The following CNTN1 variants were observed in gnomAD, a reference collection of about 807,000 sequenced individuals.
CNTN1 encodes the protein contactin-1.
Under a neutral mutation model 126.4 loss-of-function variants are expected in CNTN1, and 38 were observed. The ratio of observed to expected loss-of-function variants is 0.30; its 90% CI spans 0.23 to 0.39. The LOEUF (loss-of-function observed/expected upper bound fraction) is 0.39. CNTN1 is among the 10% of genes least tolerant of loss of function. The probability of loss-of-function intolerance (pLI) is 1.00; values close to 1 mark genes in which losing one functional copy is unlikely to be tolerated. For synonymous variants in CNTN1, 413 were observed against 422.6 expected, an observed-to-expected ratio of 0.98 and a Z score of 0.28; for missense variants, 1,009 against 1,248.4, an observed-to-expected ratio of 0.81 and a Z score of 2.89.
intron 1 of CNTN1, among the ~76,000 whole-genome samples, chr12:40,885,834 G>C (rs765289911): frequency 4.6e-5 from 7 of 151,930 alleles, no homozygotes; most frequent in Admixed American, 1.3e-4. Context: ...TTGTTATCAG[G>C]AGCTGGTATA....
Position 40,944,373 on chromosome 12 carries a change from G to A in CNTN1, c.1683+203G>A, listed in dbSNP as rs116811058. 2.5e-3 allele frequency among the ~76,000 whole-genome samples: 387 copies of A among 152,002 alleles called. 1 individual carries two copies. Among genetic ancestry groups the A allele is most frequent in the African/African-American group, 8.7e-3 (360 of 41,488 alleles). ...AAAATGGCTAGCCCTGAGGATTTTGGTATAAATATTAATCAATTAATATTA... is the reference window on the plus strand; with the variant it reads ...AAAATGGCTAGCCCTGAGGATTTTGATATAAATATTAATCAATTAATATTA... On this transcript the variant is annotated intron_variant, in intron 14 of 23. Transcript: ENST00000551295.
At chr12:40,857,088 G>T (rs1333283598) in intron 1 of CNTN1, among the ~76,000 whole-genome samples, 2 of 152,006 alleles carry the variant, frequency 1.3e-5, no homozygotes, top group African/African-American at 4.8e-5. Context: ...CTTTTTAAGG[G>T]GGTTTTGTAG....
chr12:40,760,835 G>A (rs867752028), intron 1 of CNTN1, among the ~76,000 whole-genome samples: 1 of 150,450 alleles, frequency 6.6e-6, no homozygotes, highest in African/African-American at 2.4e-5. Flanking sequence ...TCAAAATAAT[G>A]CACACACACA....
At chr12:40,933,034 T>A (rs1054893270) in intron 7 of CNTN1, among the ~76,000 whole-genome samples, 2 of 151,984 alleles carry the variant, frequency 1.3e-5, no homozygotes, top group Admixed American at 6.6e-5. Context: ...TTTGCCTTTA[T>A]CTCTGTGGGC....
intron 1 of CNTN1, among the ~76,000 whole-genome samples, chr12:40,848,751 A>G (rs1158675994): frequency 1.3e-5 from 2 of 151,372 alleles, no homozygotes; most frequent in Non-Finnish European, 2.9e-5. Flanking sequence ...TGTAAGTCCT[A>G]CTGAAGTTGT....
chr12:40,735,102 G>A (rs1402974432), intron 1 of CNTN1, among the ~76,000 whole-genome samples: 1 of 152,054 alleles, frequency 6.6e-6, no homozygotes, highest in Admixed American at 6.6e-5. Flanking sequence ...TGTTTCAAAG[G>A]ATATTTTGTT....
intron 1 of CNTN1, among the ~76,000 whole-genome samples, chr12:40,727,452 A>C (rs190842616): frequency 6.6e-6 from 1 of 152,192 alleles, no homozygotes; most frequent in Admixed American, 6.6e-5. Context: ...TTAAAAAAAA[A>C]AAGAATGGTC....
rs774049857 is a variant in CNTN1, at chr12:40,980,901, C to T, written c.1805-8C>T. On this transcript the variant is annotated splice_polypyrimidine_tract_variant and splice_region_variant and intron_variant, in intron 15 of 23. Coordinates refer to ENST00000551295, the MANE Select transcript of CNTN1 (RefSeq NM_001843.4). The stretch of plus-strand genomic sequence containing the variant: ...TTCACTGATTCATTACCCACATTTT[C>T]ATTTCAGGCCCTCCAGGCCCTCCAG... 6.2e-7 allele frequency: 1 copy of T among 1,613,702 alleles called. No individual in the cohort carries two copies. Among genetic ancestry groups the T allele is most frequent in the Non-Finnish European group, 8.5e-7 (1 of 1,179,680 alleles).
In CNTN1 at chr12:41,029,224, G is replaced by C; in HGVS notation, c.2980+5G>C. The C allele has an allele frequency of 1.2e-6, 2 of 1,613,976 alleles. No individual in the cohort carries two copies. Among genetic ancestry groups the C allele is most frequent in the South Asian group, 2.2e-5 (2 of 91,078 alleles). ...TGTCTCAAGTCAAAATTTCAGGTAAGTGAGTCATTTAAGACACATTTCAAC... is the reference window on the plus strand; with the variant it reads ...TGTCTCAAGTCAAAATTTCAGGTAACTGAGTCATTTAAGACACATTTCAAC... On this transcript the variant is annotated splice_donor_5th_base_variant and intron_variant, in intron 23 of 23. Transcript: ENST00000551295.
intron 15 of CNTN1, among the ~76,000 whole-genome samples, chr12:40,976,414 T>TA (rs1160272275): frequency 6.6e-6 from 1 of 151,984 alleles, no homozygotes; most frequent in Non-Finnish European, 1.5e-5. Flanking sequence ...GAGAACAGCC[T>TA]AAGAAACTGG....
intron 23 of CNTN1, among the ~76,000 whole-genome samples, chr12:41,049,317 C>A (rs1949619940): frequency 6.6e-6 from 1 of 152,242 alleles, no homozygotes; most frequent in African/African-American, 2.4e-5. Context: ...CTGATTTATT[C>A]AGCTGCCTGA....
chr12:40,843,652 G>C (rs1410537504), intron 1 of CNTN1, among the ~76,000 whole-genome samples: 1 of 152,114 alleles, frequency 6.6e-6, no homozygotes, highest in Non-Finnish European at 1.5e-5. Flanking sequence ...ACTAGCAAAT[G>C]CATCCCATAT....
At position 41,071,242 on chromosome 12, in the gene CNTN1, T is replaced by A. The variant is rs910121021; in HGVS notation, c.*1207T>A. ...GGAGGCAAATAATATGTCTTTCCGA[T>A]GGTGTCTCCCAAGTGTTGGTGCTTT... On this transcript the variant is annotated 3_prime_UTR_variant, in exon 24 of 24. Coordinates refer to ENST00000551295, the MANE Select transcript of CNTN1 (RefSeq NM_001843.4). 4.6e-5 allele frequency: 7 copies of A among 152,136 alleles called. No individual in the cohort carries two copies. The highest frequency in any genetic ancestry group is 1.7e-4 in the African/African-American group (7 of 41,440). 9.4% of individuals were successfully genotyped at this position (152,136 alleles called of 1,614,324 possible).
intron 1 of CNTN1, among the ~76,000 whole-genome samples, chr12:40,743,221 C>G (rs996586167): frequency 9.2e-5 from 14 of 152,088 alleles, no homozygotes; most frequent in Middle Eastern, 3.4e-3. Context: ...GAGTTTGGAA[C>G]GAACACAAGG....
intron 1 of CNTN1, among the ~76,000 whole-genome samples, chr12:40,794,528 T>C (rs1940338493): frequency 6.6e-6 from 1 of 152,018 alleles, no homozygotes; most frequent in African/African-American, 2.4e-5. Flanking sequence ...GTTCACCTGA[T>C]ATTTTACCTA....
At chr12:40,960,362 C>A (rs575582528) in intron 15 of CNTN1, among the ~76,000 whole-genome samples, 26 of 151,758 alleles carry the variant, frequency 1.7e-4, no homozygotes, top group Non-Finnish European at 3.4e-4. Flanking sequence ...GTACATTTTG[C>A]CTTTACTTTT....
chr12:40,968,370 C>G (rs1019176923), intron 15 of CNTN1, among the ~76,000 whole-genome samples: 4 of 151,892 alleles, frequency 2.6e-5, no homozygotes, highest in Non-Finnish European at 5.9e-5. Flanking sequence ...TTATGGCTGG[C>G]CTATTACAAG....
Position 40,924,593 on chromosome 12 carries a change from T to C in CNTN1, c.437T>C (p.Val146Ala). 1 of 1,608,240 alleles carries C rather than the reference T, an allele frequency of 6.2e-7. No homozygotes were observed. Among genetic ancestry groups the C allele is most frequent in the Non-Finnish European group, 8.5e-7 (1 of 1,175,248 alleles). Residue 146 changes from valine to alanine, a missense_variant, in exon 6 of 24, where the codon GTC becomes GCC. Physicochemically the swap from Val to Ala is moderately conservative, Grantham distance 64. Coordinates refer to ENST00000551295, the MANE Select transcript of CNTN1 (RefSeq NM_001843.4). ...TTCCCACCTGAGGAACGTCCTGAGGTCAGAGTAAAAGAAGGGAAAGGAATG... is the reference window on the plus strand; with the variant it reads ...TTCCCACCTGAGGAACGTCCTGAGGCCAGAGTAAAAGAAGGGAAAGGAATG... The part of the protein sequence containing the change: ...DPFPPEERPE[V>A]RVKEGKGMVL...
intron 12 of CNTN1, among the ~76,000 whole-genome samples, chr12:40,941,775 A>C (rs958443512): frequency 3.9e-5 from 6 of 152,040 alleles, no homozygotes; most frequent in African/African-American, 1.4e-4. Flanking sequence ...CAATTGGTTA[A>C]AGACCAGATT....
Sources: gnomAD v4.1 joint callset for allele counts (sites outside exome capture counted in the v4.1 genomes callset) on GRCh38, gnomAD v4.1.1 for gene constraint, MANE v1.5 for transcripts, NCBI Gene and HGNC (gene_info 2026-07-23, HGNC 2026-07-21) for gene names.